Variants in HAS3 observed in about 807,000 individuals in gnomAD.
HAS3 encodes HA synthase 3.
Under a neutral mutation model 50.3 loss-of-function variants are expected in HAS3, and 27 were observed. The observed-to-expected ratio is 0.54, with a 90% CI of 0.40 to 0.74. HAS3 has a LOEUF of 0.74. Among genes scored for constraint, HAS3 ranks in the 30% least tolerant of loss-of-function variants. The pLI, the probability that HAS3 is intolerant of heterozygous loss-of-function variation, is 0.00. For missense variants in HAS3, 517 were observed against 742.8 expected (o/e 0.70, Z 3.53); for synonymous variants, 339 against 310.9 (o/e 1.09, Z -0.95).
At chr16:69,089,325 C>G in the HAS3 span, among the ~76,000 whole-genome samples, 1 of 152,200 alleles carries the variant, frequency 6.6e-6, no homozygotes, top group Non-Finnish European at 1.5e-5. Flanking sequence ...AGTCTTTGCA[C>G]AGAAATCTAA....
rs1458105340 is a variant in HAS3, at chr16:69,114,960, G to T, written c.1356G>T (p.Pro452=). 1.9e-6 allele frequency: 3 copies of T among 1,614,016 alleles called. No individual in the cohort carries two copies. The highest frequency in any genetic ancestry group is 2.5e-6 in the Non-Finnish European group (3 of 1,180,014). Reference sequence around the variant, plus strand: ...TCCTCTATATGTCCAGCCTTCTGCCGGCCAAGATCTTTGCCATTGCTACCA... The same window carrying T: ...TCCTCTATATGTCCAGCCTTCTGCCTGCCAAGATCTTTGCCATTGCTACCA... ...YSLLYMSSLL[P]AKIFAIATIN... is the part of the protein sequence containing the mutation. The change falls in exon 4 of 4, where the codon CCG becomes CCT. Residue 452 remains proline, a synonymous_variant. Coordinates refer to ENST00000569188, the MANE Select transcript of HAS3 (RefSeq NM_001199280.2). The surrounding 1 kb of genome is among the most constrained non-coding windows in gnomAD (Gnocchi z 6.4).
At position 69,116,581 on chromosome 16, in the gene HAS3, G is replaced by C. The variant is rs1961191749; in HGVS notation, c.*1315G>C. ...GAATTCTTACAGCCAAGTTGTGACA[G>C]TCACTGCATTTGCCTGCTTCTTTCC... is the stretch of plus-strand genomic sequence containing the variant. On this transcript the variant is annotated 3_prime_UTR_variant, in exon 4 of 4. Transcript: ENST00000569188. 16 of 985,556 alleles carry C rather than the reference G, an allele frequency of 1.6e-5. No homozygotes were observed. The highest frequency in any genetic ancestry group is 1.8e-5 in the Non-Finnish European group (15 of 829,916). The allele number at this position is 985,556 out of a possible 1,614,324, so 61.1% of individuals were successfully genotyped here.
chr16:69,118,270 C>T (rs1051603968), downstream of HAS3: 13 of 846,494 alleles, frequency 1.5e-5, no homozygotes, highest in Non-Finnish European at 2.6e-5. Flanking sequence ...GAGAAGGGAG[C>T]TGCAGGCCCA....
rs947818970 is a variant in HAS3, at chr16:69,116,757, G to C, written c.*1491G>C. The stretch of plus-strand genomic sequence containing the variant: ...TTTCCAGTGACTTGCAATCCAGGCT[G>C]TTCTCAGCGTTTTGAGTTTAAAACC... On this transcript the variant is annotated 3_prime_UTR_variant, in exon 4 of 4. Transcript: ENST00000569188. The C allele has an allele frequency of 2.0e-6, 2 of 985,240 alleles. No individual in the cohort carries two copies. The highest frequency in any genetic ancestry group is 2.4e-6 in the Non-Finnish European group (2 of 829,906). 61.0% of individuals were successfully genotyped at this position (985,240 alleles called of 1,614,324 possible).
chr16:69,109,533 C>T lies in HAS3; in HGVS notation c.138C>T (p.Gly46=). Residue 46 remains glycine, a synonymous_variant, in exon 2 of 4, where the codon GGC becomes GGT. Coordinates refer to ENST00000569188, the MANE Select transcript of HAS3 (RefSeq NM_001199280.2). The surrounding 1 kb of genome is among the most constrained non-coding windows in gnomAD (Gnocchi z 5.3). ...CGGAAAAGCACTACCTGTCCTTCGG[C>T]CTGTACGGCGCCATCCTGGGCCTGC... ...IHTEKHYLSF[G]LYGAILGLHL... 6.2e-7 allele frequency: 1 copy of T among 1,614,014 alleles called. No homozygotes were observed. The highest frequency in any genetic ancestry group is 1.1e-5 in the South Asian group (1 of 91,088).
Position 69,117,213 on chromosome 16 carries a change from T to G in HAS3, c.*1947T>G, listed in dbSNP as rs1961222806. The G allele has an allele frequency of 1.0e-6, 1 of 985,660 alleles. No homozygotes were observed. Among genetic ancestry groups the G allele is most frequent in the Non-Finnish European group, 1.2e-6 (1 of 829,908 alleles). The allele number at this position is 985,660 out of a possible 1,614,324, so 61.1% of individuals were successfully genotyped here. A position where few individuals can be genotyped will look rare whatever the true frequency, so the allele number is the denominator to read the frequency against. ...GAAATCCGGTCAGCCAAGTGCAGAG[T>G]TCAGACTTCGCTAAGGGCTTGTTTT... On this transcript the variant is annotated 3_prime_UTR_variant, in exon 4 of 4. Coordinates refer to ENST00000569188, the MANE Select transcript of HAS3 (RefSeq NM_001199280.2).
At chr16:69,095,202 C>T in the HAS3 span, among the ~76,000 whole-genome samples, 2 of 152,162 alleles carry the variant, frequency 1.3e-5, no homozygotes, top group Non-Finnish European at 2.9e-5. Context: ...CCAGGCTGGT[C>T]TTGAACTCCT....
At chr16:69,097,561 C>T in the HAS3 span, among the ~76,000 whole-genome samples, 2 of 152,138 alleles carry the variant, frequency 1.3e-5, no homozygotes, top group Admixed American at 6.6e-5. Flanking sequence ...TTTTGTGTCA[C>T]GTAACTACAT....
In HAS3 at chr16:69,115,427, C is replaced by G; in HGVS notation, c.*161C>G. Reference sequence around the variant, plus strand: ...GCAAAGAACGGTGATGTAGTATGGCCTGACAGCTCTGTTTAGAGGAGGCAA... The same window carrying G: ...GCAAAGAACGGTGATGTAGTATGGCGTGACAGCTCTGTTTAGAGGAGGCAA... On this transcript the variant is annotated 3_prime_UTR_variant, in exon 4 of 4. Coordinates refer to ENST00000569188, the MANE Select transcript of HAS3 (RefSeq NM_001199280.2). The G allele has an allele frequency of 7.4e-7, 1 of 1,358,180 alleles. No individual in the cohort carries two copies. Among genetic ancestry groups the G allele is most frequent in the Non-Finnish European group, 9.4e-7 (1 of 1,060,416 alleles). 84.1% of individuals were successfully genotyped at this position (1,358,180 alleles called of 1,614,324 possible).
chr16:69,116,518 C>A lies in HAS3; in HGVS notation c.*1252C>A, dbSNP rs142407495. 1.2e-3 allele frequency: 1,194 copies of A among 985,330 alleles called. 2 individuals carry two copies. Among genetic ancestry groups the A allele is most frequent in the Non-Finnish European group, 1.2e-3 (991 of 829,452 alleles). The allele number at this position is 985,330 out of a possible 1,614,324, so 61.0% of individuals were successfully genotyped here. On this transcript the variant is annotated 3_prime_UTR_variant, in exon 4 of 4. Coordinates refer to ENST00000569188, the MANE Select transcript of HAS3 (RefSeq NM_001199280.2). Reference sequence around the variant, plus strand: ...GAACTCTCAAATCCAAAATGGTTATCTTTGAGACCATCCATTCTCCTCAGT... The same window carrying A: ...GAACTCTCAAATCCAAAATGGTTATATTTGAGACCATCCATTCTCCTCAGT...
rs1960834564 is a variant in HAS3, at chr16:69,107,321, C to T, written c.-1+1534C>T. The T allele has an allele frequency of 2.0e-6, 2 of 982,892 alleles. No individual in the cohort carries two copies. The highest frequency in any genetic ancestry group is 2.4e-6 in the Non-Finnish European group (2 of 827,728). The allele number at this position is 982,892 out of a possible 1,614,324, so 60.9% of individuals were successfully genotyped here. A position where few individuals can be genotyped will look rare whatever the true frequency, so the allele number is the denominator to read the frequency against. Reference sequence around the variant, plus strand: ...AATTCCTGCGGGGGAGGGGTCCCGCCCAGGGAAGGAGAGGGCCGGCTACAC... The same window carrying T: ...AATTCCTGCGGGGGAGGGGTCCCGCTCAGGGAAGGAGAGGGCCGGCTACAC... On this transcript the variant is annotated intron_variant, in intron 1 of 3. Coordinates refer to ENST00000569188, the MANE Select transcript of HAS3 (RefSeq NM_001199280.2). The surrounding 1 kb of genome is among the most constrained non-coding windows in gnomAD (Gnocchi z 5.5).
downstream of HAS3, among the ~76,000 whole-genome samples, chr16:69,117,841 C>G (rs184755649): frequency 3.2e-3 from 490 of 152,258 alleles, 1 homozygote; most frequent in Middle Eastern, 0.01. Context: ...AAATAACTAA[C>G]TGGCAGATGA....
the HAS3 span, among the ~76,000 whole-genome samples, chr16:69,094,281 C>T: frequency 2.6e-5 from 4 of 152,130 alleles, no homozygotes; most frequent in South Asian, 2.1e-4. Context: ...AGCCACCTGG[C>T]GCTGGGGAGA....
chr16:69,113,324 G>A (rs1597098062), intron 2 of HAS3, 117 bp from the exon 3 acceptor site: 2 of 751,694 alleles, frequency 2.7e-6, no homozygotes, highest in East Asian at 5.0e-5. Flanking sequence ...GAGGCTGGAA[G>A]TGAGTCATGT....
At chr16:69,103,002 CATGTGTGTGTGT>C (rs938056673), upstream of HAS3, among the ~76,000 whole-genome samples, 1 of 115,082 alleles carries the variant, frequency 8.7e-6, no homozygotes, top group African/African-American at 3.4e-5. Flanking sequence ...GTGGAGTGTG[CATGTGTGTGTGT>C]GTGTGTGTGT....
Position 69,107,256 on chromosome 16 carries a change from T to G in HAS3, c.-1+1469T>G. 1.2e-6 allele frequency: 1 copy of G among 855,524 alleles called. No homozygotes were observed. Among genetic ancestry groups the G allele is most frequent in the Non-Finnish European group, 1.4e-6 (1 of 712,310 alleles). 53.0% of individuals were successfully genotyped at this position (855,524 alleles called of 1,614,324 possible). A position where few individuals can be genotyped will look rare whatever the true frequency, so the allele number is the denominator to read the frequency against. ...CTGGCTGAGGGACATTTTGGGGGCC[T>G]CTATTTGGGGGTGGGGGTAGTAACC... On this transcript the variant is annotated intron_variant, in intron 1 of 3. Coordinates refer to ENST00000569188, the MANE Select transcript of HAS3 (RefSeq NM_001199280.2). The surrounding 1 kb of genome is among the most constrained non-coding windows in gnomAD (Gnocchi z 5.5).
At position 69,116,342 on chromosome 16, in the gene HAS3, T is replaced by A; in HGVS notation, c.*1076T>A. The A allele has an allele frequency of 1.0e-6, 1 of 985,846 alleles. No individual in the cohort carries two copies. Among genetic ancestry groups the A allele is most frequent in the Non-Finnish European group, 1.2e-6 (1 of 829,894 alleles). The allele number at this position is 985,846 out of a possible 1,614,324, so 61.1% of individuals were successfully genotyped here. On this transcript the variant is annotated 3_prime_UTR_variant, in exon 4 of 4. Transcript: ENST00000569188. ...AGGAGGCAAGCGTGTTCTCAGCACA[T>A]ATGGGAACTATGAGGAGCCTCTGAT...
In HAS3 at chr16:69,109,363, C is replaced by T. The variant is rs369364937; in HGVS notation, c.1-33C>T. On this transcript the variant is annotated intron_variant, in intron 1 of 3. Transcript: ENST00000569188. This position sits in a 1 kb window ranked among gnomAD's most constrained non-coding sequence, Gnocchi z 5.3. ...CACGGACTGGAAATGCTGCCTCCTG[C>T]CTGACCCTTCATCTCCTGCCTTCTC... 47 of 1,571,094 alleles carry T rather than the reference C, an allele frequency of 3.0e-5. No homozygotes were observed. The highest frequency in any genetic ancestry group is 4.0e-5 in the Non-Finnish European group (46 of 1,162,306).
intron 2 of HAS3, 71 bp from the exon 3 acceptor site, chr16:69,113,370 T>C (rs1961071790): frequency 1.0e-6 from 1 of 969,408 alleles, no homozygotes; most frequent in Non-Finnish European, 1.7e-6. Context: ...GTGAGCAGCC[T>C]GGCAGTGGGG....
Sources: allele counts gnomAD v4.1 joint callset (sites outside exome capture counted in the v4.1 genomes callset), GRCh38; gene constraint gnomAD v4.1.1; non-coding constraint Gnocchi (gnomAD v3.1); transcripts MANE v1.5; gene names NCBI Gene and HGNC (gene_info 2026-07-23, HGNC 2026-07-21).